The following GABRB3 variants were observed in gnomAD, a reference collection of about 807,000 sequenced individuals.
GABRB3 encodes the protein gamma-aminobutyric acid type A receptor subunit beta3.
A neutral mutation model predicts 52.1 loss-of-function variants in GABRB3; 14 were observed. The ratio of observed to expected loss-of-function variants is 0.27; its 90% confidence interval spans 0.18 to 0.42. GABRB3 has a LOEUF of 0.42. GABRB3 is among the 10% of genes least tolerant of loss of function. The pLI, the probability that GABRB3 is intolerant of heterozygous loss-of-function variation, is 1.00. For synonymous variants in GABRB3, 260 were observed against 232.3 expected (o/e 1.12, Z -1.08); for missense variants, 307 against 609.1 (o/e 0.50, Z 5.22).
chr15:26,695,831 A>G (rs773216892), intron 3 of GABRB3, among the ~76,000 whole-genome samples: 32 of 152,232 alleles, frequency 2.1e-4, no homozygotes, highest in Non-Finnish European at 4.4e-4. Context: ...AAATCCTAGA[A>G]GCCAAAACAG....
At chr15:26,742,807 T>C (rs1890243082) in intron 3 of GABRB3, among the ~76,000 whole-genome samples, 1 of 152,220 alleles carries the variant, frequency 6.6e-6, no homozygotes, top group Non-Finnish European at 1.5e-5. Context: ...ACTTTATCAA[T>C]TTATCAAGTT....
chr15:26,747,939 T>A (rs1224845846), intron 3 of GABRB3, among the ~76,000 whole-genome samples: 1 of 145,530 alleles, frequency 6.9e-6, no homozygotes, highest in Admixed American at 7.4e-5. Context: ...ATGGGTATTG[T>A]ATTTTTCAAA....
chr15:26,550,986 A>C (rs1595431161), intron 8 of GABRB3, among the ~76,000 whole-genome samples: 1 of 152,188 alleles, frequency 6.6e-6, no homozygotes, highest in Non-Finnish European at 1.5e-5. Context: ...AAAACATCAA[A>C]AGCAAAGGCT....
chr15:26,616,077 T>C lies in GABRB3; in HGVS notation c.461+5237A>G, dbSNP rs1384965603. ...CCATAGTACCTATTTACCAAAAAGA[T>C]GCAATGCATTGTTGGGTTACACACA... On this transcript the variant is annotated intron_variant, in intron 4 of 8. Transcript: ENST00000311550. 7.8e-6 allele frequency: 10 copies of C among 1,288,956 alleles called. No individual in the cohort carries two copies. The South Asian group carries it at 1.1e-4, about 14-fold the overall frequency. The allele number at this position is 1,288,956 out of a possible 1,614,324, so 79.8% of individuals were successfully genotyped here.
intron 4 of GABRB3, chr15:26,615,850 G>A: frequency 8.2e-7 from 1 of 1,225,594 alleles, no homozygotes; most frequent in South Asian, 1.4e-5. Flanking sequence ...AATTCAGTCT[G>A]AAGGTCTCAG....
chr15:26,647,002 C>T (rs1056123579), intron 3 of GABRB3, among the ~76,000 whole-genome samples: 7 of 152,096 alleles, frequency 4.6e-5, no homozygotes, highest in African/African-American at 1.7e-4. Flanking sequence ...TGCCACCACG[C>T]CTGGATAATT....
intron 3 of GABRB3, among the ~76,000 whole-genome samples, chr15:26,726,899 A>T (rs1304465495): frequency 6.6e-6 from 1 of 152,166 alleles, no homozygotes; most frequent in South Asian, 2.1e-4. Context: ...GGTGGCTCAC[A>T]CCTGTAGTCC....
chr15:26,578,006 G>C (rs1890653572), intron 6 of GABRB3, among the ~76,000 whole-genome samples: 3 of 152,138 alleles, frequency 2.0e-5, no homozygotes, highest in Admixed American at 2.0e-4. Context: ...AGGCTGGGCA[G>C]GAACCCCTGG....
At position 26,668,536 on chromosome 15, in the gene GABRB3, T is replaced by TG. The variant is rs1267920243; in HGVS notation, c.241-47003dup. ...CCCTTTACCTTGGATGTCATTTATG[T>TG]GTTTTTTTCTGTCAATTGGCCTGTC... is the stretch of plus-strand genomic sequence containing the variant. On this transcript the variant is annotated intron_variant, in intron 3 of 8. Transcript: ENST00000311550. 7.3e-5 allele frequency among the ~76,000 whole-genome samples: 10 copies of TG among 137,898 alleles called. No individual in the cohort carries two copies. The East Asian group carries it at 2.0e-3, about 28-fold the overall frequency. 90.5% of individuals were successfully genotyped at this position (137,898 alleles called of 152,430 possible).
At chr15:26,758,838 C>T (rs1890732976) in intron 3 of GABRB3, among the ~76,000 whole-genome samples, 1 of 152,190 alleles carries the variant, frequency 6.6e-6, no homozygotes, top group Non-Finnish European at 1.5e-5. Context: ...CAAATTATGT[C>T]AAGGTGGTAA....
At chr15:26,600,199 A>C (rs1192447156) in intron 4 of GABRB3, among the ~76,000 whole-genome samples, 2 of 152,000 alleles carry the variant, frequency 1.3e-5, no homozygotes, top group African/African-American at 4.8e-5. Flanking sequence ...GATAAACAAG[A>C]ACAACAAAAG....
At chr15:26,766,380 C>G (rs557810099) in intron 3 of GABRB3, among the ~76,000 whole-genome samples, 150 of 152,284 alleles carry the variant, frequency 9.9e-4, no homozygotes, top group African/African-American at 3.5e-3. Flanking sequence ...TCTGCAGTCC[C>G]AAACATGAGC....
chr15:26,677,273 C>T (rs1008839442), intron 3 of GABRB3, among the ~76,000 whole-genome samples: 5 of 152,320 alleles, frequency 3.3e-5, no homozygotes, highest in African/African-American at 1.2e-4. Context: ...AGTTAGAACA[C>T]CTTTCCCTTC....
At chr15:26,640,030 G>A (rs1421050332) in intron 3 of GABRB3, among the ~76,000 whole-genome samples, 5 of 152,130 alleles carry the variant, frequency 3.3e-5, no homozygotes, top group Non-Finnish European at 7.4e-5. Context: ...TACTCAAAAC[G>A]GAGAGCATTG....
chr15:26,666,342 C>T (rs1380316582), intron 3 of GABRB3: 1 of 152,172 alleles, frequency 6.6e-6, no homozygotes, highest in African/African-American at 2.4e-5. Flanking sequence ...TTTATTGTGA[C>T]TCTTTCTGAA....
intron 6 of GABRB3, among the ~76,000 whole-genome samples, chr15:26,579,241 A>G (rs1439150689): frequency 1.3e-5 from 2 of 152,202 alleles, no homozygotes; most frequent in Non-Finnish European, 2.9e-5. Context: ...GTCCCTCCTC[A>G]GGGAGGTGTG....
chr15:26,609,318 A>G (rs1037597587), intron 4 of GABRB3, among the ~76,000 whole-genome samples: 3 of 152,142 alleles, frequency 2.0e-5, no homozygotes, highest in African/African-American at 7.2e-5. Flanking sequence ...CAGTGGTTAC[A>G]GAGAATGGAG....
intron 3 of GABRB3, among the ~76,000 whole-genome samples, chr15:26,673,594 C>A (rs1887965846): frequency 6.6e-6 from 1 of 152,196 alleles, no homozygotes; most frequent in Non-Finnish European, 1.5e-5. Flanking sequence ...GGAGCAAAGA[C>A]CCTATCCAGC....
At chr15:26,682,058 T>C (rs1016605548) in intron 3 of GABRB3, among the ~76,000 whole-genome samples, 1 of 152,220 alleles carries the variant, frequency 6.6e-6, no homozygotes, top group African/African-American at 2.4e-5. Context: ...ATTTTATTTT[T>C]TGGAGGAAGA....
Sources: gnomAD v4.1 joint callset for allele counts (sites outside exome capture counted in the v4.1 genomes callset) on GRCh38, gnomAD v4.1.1 for gene constraint, MANE v1.5 for transcripts, NCBI Gene and HGNC (gene_info 2026-07-23, HGNC 2026-07-21) for gene names.